Variants in PTPRM observed in about 807,000 individuals in gnomAD.
The protein encoded by PTPRM is protein tyrosine phosphatase receptor type M.
In PTPRM, 47 loss-of-function variants were observed where a neutral mutation model predicts 186.7. The ratio of observed to expected loss-of-function variants is 0.25; its 90% CI spans 0.20 to 0.32. The LOEUF is 0.32. Among genes scored for constraint, PTPRM ranks in the 10% least tolerant of loss-of-function variants. PTPRM has a pLI of 1.00. For synonymous variants in PTPRM, 668 were observed against 674.9 expected, an observed-to-expected ratio of 0.99 and a Z score of 0.16; for missense variants, 1,494 against 1,865.0, an observed-to-expected ratio of 0.80 and a Z score of 3.66.
intron 14 of PTPRM, among the ~76,000 whole-genome samples, chr18:8,170,587 G>T (rs543306390): frequency 6.6e-6 from 1 of 151,192 alleles, no homozygotes; most frequent in Non-Finnish European, 1.5e-5. Flanking sequence ...AATATACAAA[G>T]ATTTTCCTAC....
intron 1 of PTPRM, among the ~76,000 whole-genome samples, chr18:7,617,755 G>C (rs1398474177): frequency 1.3e-5 from 2 of 152,214 alleles, no homozygotes; most frequent in East Asian, 3.8e-4. Flanking sequence ...TTCGTGAGAA[G>C]AGGATAATCA....
intron 1 of PTPRM, among the ~76,000 whole-genome samples, chr18:7,718,969 A>G (rs1189166699): frequency 6.6e-6 from 1 of 152,234 alleles, no homozygotes; most frequent in Non-Finnish European, 1.5e-5. Flanking sequence ...TAGTACAACC[A>G]CTATGGAAAA....
intron 1 of PTPRM, among the ~76,000 whole-genome samples, chr18:7,729,137 G>A (rs770474772): frequency 4.6e-5 from 7 of 151,924 alleles, no homozygotes; most frequent in Admixed American, 3.3e-4. Context: ...TCTCAAACTC[G>A]TGGGCTCAAA....
intron 1 of PTPRM, among the ~76,000 whole-genome samples, chr18:7,671,984 C>T (rs1489182699): frequency 6.6e-6 from 1 of 152,112 alleles, no homozygotes; most frequent in East Asian, 1.9e-4. Flanking sequence ...GAAGAATCTC[C>T]CTCCTCAAAG....
At chr18:8,262,900 A>T (rs767483498) in intron 19 of PTPRM, among the ~76,000 whole-genome samples, 3 of 152,194 alleles carry the variant, frequency 2.0e-5, no homozygotes, top group Non-Finnish European at 2.9e-5. Flanking sequence ...TGGGGAAATG[A>T]TAGAGATGGA....
intron 11 of PTPRM, among the ~76,000 whole-genome samples, chr18:8,103,058 G>A (rs1330832203): frequency 2.0e-5 from 3 of 152,180 alleles, no homozygotes; most frequent in Non-Finnish European, 2.9e-5. Context: ...GGTCTCAACA[G>A]TGGGCTTAAA....
intron 7 of PTPRM, among the ~76,000 whole-genome samples, chr18:8,009,189 T>C (rs2084369709): frequency 6.6e-6 from 1 of 152,188 alleles, no homozygotes; most frequent in African/African-American, 2.4e-5. Flanking sequence ...CAGTGCTGTA[T>C]GTAAGGTGTG....
chr18:7,946,682 G>A (rs1008842787), intron 5 of PTPRM, among the ~76,000 whole-genome samples: 7 of 151,866 alleles, frequency 4.6e-5, no homozygotes, highest in African/African-American at 1.7e-4. Flanking sequence ...ACAAATTTAG[G>A]GCATTTAGTG....
chr18:8,071,941 A>G (rs534544937), intron 8 of PTPRM, among the ~76,000 whole-genome samples: 1 of 152,364 alleles, frequency 6.6e-6, no homozygotes, highest in African/African-American at 2.4e-5. Context: ...TAGGGATAGA[A>G]GAAATTTATG....
At chr18:8,261,434 C>T (rs372996286) in intron 19 of PTPRM, among the ~76,000 whole-genome samples, 44 of 152,254 alleles carry the variant, frequency 2.9e-4, no homozygotes, top group African/African-American at 1.0e-3. Flanking sequence ...TTTGAGATGG[C>T]TTCAAGCTAT....
chr18:8,307,796 C>T (rs1478646943), intron 20 of PTPRM, among the ~76,000 whole-genome samples: 1 of 148,186 alleles, frequency 6.7e-6, no homozygotes, highest in Admixed American at 6.7e-5. Context: ...AAGAGTGAAA[C>T]TCTGTCTCAA....
intron 14 of PTPRM, among the ~76,000 whole-genome samples, chr18:8,183,833 C>A (rs2093609159): frequency 6.6e-6 from 1 of 152,108 alleles, no homozygotes; most frequent in African/African-American, 2.4e-5. Flanking sequence ...GTGATTTGTC[C>A]CAAGTCTAGG....
chr18:7,981,892 A>G (rs1283311035), intron 7 of PTPRM, among the ~76,000 whole-genome samples: 1 of 152,192 alleles, frequency 6.6e-6, no homozygotes, highest in South Asian at 2.1e-4. Flanking sequence ...AAGGTACAGT[A>G]AAAATATGAT....
intron 7 of PTPRM, among the ~76,000 whole-genome samples, chr18:7,977,521 C>G (rs2055036142): frequency 6.6e-6 from 1 of 152,138 alleles, no homozygotes; most frequent in African/African-American, 2.4e-5. Flanking sequence ...GATAGTGTCT[C>G]TCTCTGGAGC....
intron 14 of PTPRM, among the ~76,000 whole-genome samples, chr18:8,230,622 G>A (rs1317009471): frequency 1.3e-5 from 2 of 152,218 alleles, no homozygotes; most frequent in African/African-American, 4.8e-5. Context: ...TTTTGTAAGA[G>A]TTAAACGAAT....
intron 1 of PTPRM, among the ~76,000 whole-genome samples, chr18:7,743,489 G>A (rs2040923784): frequency 6.6e-6 from 1 of 152,144 alleles, no homozygotes; most frequent in African/African-American, 2.4e-5. Flanking sequence ...TACTGAAGTG[G>A]TGGAAGTAGA....
intron 3 of PTPRM, among the ~76,000 whole-genome samples, chr18:7,890,648 C>G (rs948038287): frequency 2.6e-5 from 4 of 151,998 alleles, no homozygotes; most frequent in Non-Finnish European, 5.9e-5. Context: ...ATGCTTAAAT[C>G]TAGCAGTCCA....
intron 20 of PTPRM, among the ~76,000 whole-genome samples, chr18:8,306,402 AG>A (rs2095222455): frequency 6.6e-6 from 1 of 152,206 alleles, no homozygotes; most frequent in South Asian, 2.1e-4. Flanking sequence ...TGGACACCAA[AG>A]CCCCTGTTAG....
In PTPRM at chr18:8,051,379, A is replaced by G. The variant is rs73385695; in HGVS notation, c.1133-18307A>G. Among the ~76,000 whole-genome samples the G allele has an allele frequency of 8.1e-3, 1,228 of 152,318 alleles. 21 individuals are homozygous for G. Among genetic ancestry groups the G allele is most frequent in the African/African-American group, 0.029 (1,187 of 41,578 alleles). The stretch of plus-strand genomic sequence containing the variant: ...GCAGCATAACAATAATCAACTTCCC[A>G]TCTTAAAAACAGAATACTTCTAGAA... On this transcript the variant is annotated intron_variant, in intron 7 of 32. Coordinates refer to ENST00000580170, the MANE Select transcript of PTPRM (RefSeq NM_001105244.2).
Sources: gnomAD v4.1 joint callset for allele counts (sites outside exome capture counted in the v4.1 genomes callset) on GRCh38, gnomAD v4.1.1 for gene constraint, MANE v1.5 for transcripts, NCBI Gene and HGNC (gene_info 2026-07-23, HGNC 2026-07-21) for gene names.